The following SPAG16 variants were observed in gnomAD, a reference collection of about 807,000 sequenced individuals.
SPAG16 encodes sperm associated antigen 16, also known as sperm-associated antigen 16 protein.
In SPAG16, 86 loss-of-function variants were observed where a neutral mutation model predicts 80.4. The observed-to-expected ratio is 1.07, with a 90% CI of 0.90 to 1.28. The LOEUF (loss-of-function observed/expected upper bound fraction) is 1.28. Ranked by LOEUF, SPAG16 falls within the 50% of genes most tolerant of loss-of-function variation. The pLI is 0.00. For missense variants in SPAG16, 870 were observed against 765.3 expected, an observed-to-expected ratio of 1.14 and a Z score of -1.61; for synonymous variants, 294 against 265.9, an observed-to-expected ratio of 1.11 and a Z score of -1.03.
chr2:213,685,248 C>T (rs1419703428), intron 10 of SPAG16, among the ~76,000 whole-genome samples: 3 of 152,226 alleles, frequency 2.0e-5, no homozygotes, highest in Non-Finnish European at 4.4e-5. Flanking sequence ...GCAGATTTTA[C>T]AAAGTTAGAA....
chr2:213,970,218 T>C (rs2044954154), intron 12 of SPAG16, among the ~76,000 whole-genome samples: 2 of 152,172 alleles, frequency 1.3e-5, no homozygotes, highest in South Asian at 4.1e-4. Flanking sequence ...CTGTAAATTT[T>C]GGGGGAACAC....
intron 14 of SPAG16, among the ~76,000 whole-genome samples, chr2:214,110,896 T>A (rs1455190217): frequency 6.6e-6 from 1 of 152,238 alleles, no homozygotes; most frequent in Non-Finnish European, 1.5e-5. Context: ...ATGATGAGTA[T>A]TTTTTCATGT....
At chr2:213,473,654 C>T (rs1575683747) in intron 9 of SPAG16, among the ~76,000 whole-genome samples, 1 of 152,236 alleles carries the variant, frequency 6.6e-6, no homozygotes, top group Non-Finnish European at 1.5e-5. Flanking sequence ...TTTTTACTCC[C>T]CAAGCTGCAA....
At chr2:214,060,200 A>G (rs944365588) in intron 13 of SPAG16, among the ~76,000 whole-genome samples, 1 of 152,178 alleles carries the variant, frequency 6.6e-6, no homozygotes, top group Non-Finnish European at 1.5e-5. Flanking sequence ...GCAGAATATT[A>G]GATTCATCCT....
intron 13 of SPAG16, among the ~76,000 whole-genome samples, chr2:214,050,537 A>G (rs2049587656): frequency 4.9e-5 from 1 of 20,612 alleles, no homozygotes; most frequent in African/African-American, 9.6e-5. Context: ...TTAAGTAATT[A>G]ATGTTATTAA....
intron 14 of SPAG16, among the ~76,000 whole-genome samples, chr2:214,109,879 C>A (rs1468438023): frequency 6.6e-6 from 1 of 151,964 alleles, no homozygotes; most frequent in African/African-American, 2.4e-5. Flanking sequence ...CATTAAGTGG[C>A]GTATAGCTTC....
intron 13 of SPAG16, among the ~76,000 whole-genome samples, chr2:214,017,018 A>G (rs1354989358): frequency 6.6e-6 from 1 of 152,144 alleles, no homozygotes; most frequent in Non-Finnish European, 1.5e-5. Context: ...AGGCCAATTT[A>G]TTTAGGATAT....
At chr2:214,231,482 T>G (rs1199783026) in intron 15 of SPAG16, among the ~76,000 whole-genome samples, 1 of 151,948 alleles carries the variant, frequency 6.6e-6, no homozygotes, top group Admixed American at 6.6e-5. Context: ...TACTTATAAG[T>G]TTATAAGTAT....
intron 10 of SPAG16, among the ~76,000 whole-genome samples, chr2:213,665,754 T>C (rs1436021232): frequency 6.6e-6 from 1 of 152,196 alleles, no homozygotes; most frequent in Non-Finnish European, 1.5e-5. Context: ...CCAACATCAC[T>C]ATCACTCATG....
At chr2:213,408,123 A>C (rs530162809) in intron 9 of SPAG16, among the ~76,000 whole-genome samples, 7 of 136,148 alleles carry the variant, frequency 5.1e-5, no homozygotes, top group African/African-American at 2.0e-4. Flanking sequence ...CAAAGAAAAA[A>C]AAACAAAAAA....
intron 15 of SPAG16, among the ~76,000 whole-genome samples, chr2:214,390,207 C>T (rs562777490): frequency 9.5e-4 from 145 of 152,122 alleles, no homozygotes; most frequent in African/African-American, 3.4e-3. Flanking sequence ...CAGTAATGGC[C>T]TCCTTCCTAG....
intron 12 of SPAG16, among the ~76,000 whole-genome samples, chr2:213,938,618 C>G (rs2079081235): frequency 6.6e-6 from 1 of 151,758 alleles, no homozygotes; most frequent in African/African-American, 2.4e-5. Flanking sequence ...TATTATATCC[C>G]TAAAACATTG....
intron 1 of SPAG16, among the ~76,000 whole-genome samples, chr2:213,295,293 T>C (rs959710731): frequency 1.3e-5 from 2 of 152,120 alleles, no homozygotes; most frequent in African/African-American, 4.8e-5. Flanking sequence ...TGATTTAACA[T>C]AAAATATTGT....
intron 9 of SPAG16, among the ~76,000 whole-genome samples, chr2:213,418,527 A>G (rs1389361328): frequency 1.3e-5 from 2 of 152,116 alleles, no homozygotes; most frequent in African/African-American, 2.4e-5. Flanking sequence ...GTTATTCTCT[A>G]ATTTTTTCAT....
chr2:214,370,289 T>G (rs1368480304), intron 15 of SPAG16, among the ~76,000 whole-genome samples: 1 of 152,088 alleles, frequency 6.6e-6, no homozygotes, highest in Middle Eastern at 3.2e-3. Flanking sequence ...GAAAAAGAAG[T>G]CATGACAAAA....
At chr2:214,205,247 A>G (rs752453977) in intron 15 of SPAG16, among the ~76,000 whole-genome samples, 1 of 151,540 alleles carries the variant, frequency 6.6e-6, no homozygotes, top group African/African-American at 2.4e-5. Flanking sequence ...AGAAGAAGCT[A>G]TATCAAAAAA....
rs78838663 is a variant in SPAG16 at position 213,834,341 on chromosome 2, T to C, written c.1071-28144T>C. Among the ~76,000 whole-genome samples, 1,329 of 152,284 alleles carry C rather than the reference T, an allele frequency of 8.7e-3. 9 individuals carry two copies. The highest frequency in any genetic ancestry group is 0.011 in the Non-Finnish European group (738 of 68,016). ...ATGGGAGCCTTCAGAAATGAAAATATGTAGACCCAGGGAAAATGGTGTGTT... is the reference window on the plus strand; with the variant it reads ...ATGGGAGCCTTCAGAAATGAAAATACGTAGACCCAGGGAAAATGGTGTGTT... On this transcript the variant is annotated intron_variant, in intron 10 of 15. Coordinates refer to ENST00000331683, the MANE Select transcript of SPAG16 (RefSeq NM_024532.5).
intron 9 of SPAG16, among the ~76,000 whole-genome samples, chr2:213,444,265 A>G (rs2071163984): frequency 2.0e-5 from 3 of 152,144 alleles, no homozygotes; most frequent in African/African-American, 7.2e-5. Context: ...TTCTCTCCTG[A>G]TTATAAAAAA....
Position 213,342,352 on chromosome 2 carries a change from A to ATATATATATGACATATATATG in SPAG16, c.644+2091_644+2092insGACATATATATGTATATATAT, listed in dbSNP as rs2064742020. Among the ~76,000 whole-genome samples the ATATATATATGACATATATATG allele has an allele frequency of 3.5e-5, 2 of 57,018 alleles. 1 individual carries two copies. Among genetic ancestry groups the ATATATATATGACATATATATG allele is most frequent in the African/African-American group, 1.1e-4 (2 of 18,448 alleles). The allele number at this position is 57,018 out of a possible 152,430, so 37.4% of individuals were successfully genotyped here. On this transcript the variant is annotated intron_variant, in intron 6 of 15. Coordinates refer to ENST00000331683, the MANE Select transcript of SPAG16 (RefSeq NM_024532.5). ...GTGTATATATATATTACATATATGT[A>ATATATATATGACATATATATG]TATATATATTACATATATATGTATT...
Sources: gnomAD v4.1 joint callset for allele counts (sites outside exome capture counted in the v4.1 genomes callset) on GRCh38, gnomAD v4.1.1 for gene constraint, MANE v1.5 for transcripts, NCBI Gene and HGNC (gene_info 2026-07-23, HGNC 2026-07-21) for gene names.